The following BAHCC1 variants were observed in gnomAD, a reference collection of about 807,000 sequenced individuals.
The protein encoded by BAHCC1 is BAH domain and coiled-coil containing 1.
Under a neutral mutation model 88.2 loss-of-function variants are expected in BAHCC1, and 43 were observed. The ratio of observed to expected loss-of-function variants is 0.49; its 90% CI spans 0.38 to 0.63. The LOEUF (loss-of-function observed/expected upper bound fraction) is 0.63, where lower values mean the gene tolerates loss of function less well. Among genes scored for constraint, BAHCC1 ranks in the 20% least tolerant of loss-of-function variants. BAHCC1 has a pLI of 0.00. For missense variants in BAHCC1, 3,023 were observed against 1,654.8 expected (o/e 1.83, Z -14.34); for synonymous variants, 1,510 against 745.5 (o/e 2.03, Z -16.71).
chr17:81,451,853 AC>A lies in BAHCC1; in HGVS notation c.4167del (p.Lys1390ArgfsTer8). The A allele has an allele frequency of 1.3e-6, 1 of 743,320 alleles. No individual in the cohort carries two copies. Among genetic ancestry groups the A allele is most frequent in the South Asian group, 1.4e-5 (1 of 71,116 alleles). The allele number at this position is 743,320 out of a possible 1,614,324, so 46.0% of individuals were successfully genotyped here. On this transcript the variant is annotated frameshift_variant, in exon 12 of 28. Coordinates refer to ENST00000675386, the MANE Select transcript of BAHCC1 (RefSeq NM_001377448.1). LOFTEE classifies it high-confidence loss of function. ...MQILQRKDTWTPKTKPVCPLK... is the reference protein window; with the variant it reads ...MQILQRKDTWXPKTKPVCPLK... ...GATCCTGCAGCGCAAGGACACCTGG[AC>A]CCCCAAGACCAAGCCTGTGAGTGGA... is the stretch of plus-strand genomic sequence containing the variant.
In BAHCC1 at chr17:81,441,851, C is replaced by T; in HGVS notation, c.502C>T (p.Leu168=). Residue 168 remains leucine, a synonymous_variant, in exon 5 of 28, where the codon CTG becomes TTG. Transcript: ENST00000675386. ...CACAGATAACTTCTACCTGCGCAAC[C>T]TGCCGCCCCAGCCCACGCTGCTGCC... is the stretch of plus-strand genomic sequence containing the variant. ...TQKDNFYLRN[L]PPQPTLLPAN... is the part of the protein sequence containing the mutation. 1.5e-6 allele frequency: 1 copy of T among 664,560 alleles called. No individual in the cohort carries two copies. Among genetic ancestry groups the T allele is most frequent in the South Asian group, 1.7e-5 (1 of 57,402 alleles). 41.2% of individuals were successfully genotyped at this position (664,560 alleles called of 1,614,324 possible).
In BAHCC1 at chr17:81,445,563, G is replaced by A. The variant is rs374474112; in HGVS notation, c.3045G>A (p.Pro1015=). 7.7e-4 allele frequency: 556 copies of A among 722,672 alleles called. 6 individuals are homozygous for A. Among genetic ancestry groups the A allele is most frequent in the East Asian group, 7.5e-3 (284 of 37,702 alleles). 44.8% of individuals were successfully genotyped at this position (722,672 alleles called of 1,614,324 possible). ...SPTPPPRPSA[P]CTLNVCPASS... Reference sequence around the variant, plus strand: ...CCCCACCACCTCGGCCCAGCGCCCCGTGCACTTTAAATGTCTGCCCTGCCA... The same window carrying A: ...CCCCACCACCTCGGCCCAGCGCCCCATGCACTTTAAATGTCTGCCCTGCCA... Residue 1015 remains proline (P), a synonymous_variant, in exon 10 of 28, where the codon CCG becomes CCA. Transcript: ENST00000675386.
chr17:81,443,695 G>C, intron 5 of BAHCC1, 114 bp from the exon 6 acceptor site: 1 of 649,204 alleles, frequency 1.5e-6, no homozygotes, highest in East Asian at 2.7e-5. Flanking sequence ...AGGACCAGGG[G>C]ATCCTCCTCA....
rs782212786 is a variant in BAHCC1 at position 81,455,274 on chromosome 17, C to A, written c.4453C>A (p.Arg1485=). The A allele has an allele frequency of 1.4e-6, 1 of 715,806 alleles. No individual in the cohort carries two copies. The highest frequency in any genetic ancestry group is 1.5e-5 in the South Asian group (1 of 67,606). 44.3% of individuals were successfully genotyped at this position (715,806 alleles called of 1,614,324 possible). The change falls in exon 15 of 28, where the codon CGG becomes AGG. Residue 1485 remains arginine (R), a synonymous_variant. Coordinates refer to ENST00000675386, the MANE Select transcript of BAHCC1 (RefSeq NM_001377448.1). ...ACCACCCCATGCCCCCAGGGCGGTG[C>A]GGACAAGCCTGGGTCTGCTGTGTGC... The part of the protein sequence containing the change: ...RSDGKKVKAV[R]TSLGLLCAEL...
chr17:81,452,704 T>C lies in BAHCC1; in HGVS notation c.4317-19T>C. ...TGGGTTGTGCATGAGCCTCTGACCA[T>C]CCCCCCTGCGGCCCCCAGGAGAGAC... On this transcript the variant is annotated intron_variant, in intron 13 of 27. Coordinates refer to ENST00000675386, the MANE Select transcript of BAHCC1 (RefSeq NM_001377448.1). 9.5e-6 allele frequency: 7 copies of C among 737,164 alleles called. No individual in the cohort carries two copies. The highest frequency in any genetic ancestry group is 3.9e-5 in the Admixed American group (2 of 51,554). The allele number at this position is 737,164 out of a possible 1,614,324, so 45.7% of individuals were successfully genotyped here.
rs782096516 is a variant in BAHCC1, at chr17:81,443,875, G to A, written c.2282G>A (p.Cys761Tyr). 10 of 714,082 alleles carry A rather than the reference G, an allele frequency of 1.4e-5. No individual in the cohort carries two copies. The highest frequency in any genetic ancestry group is 2.6e-5 in the Non-Finnish European group (10 of 384,940). 44.2% of individuals were successfully genotyped at this position (714,082 alleles called of 1,614,324 possible). The change falls in exon 6 of 28, where the codon TGT becomes TAT. Residue 761 changes from cysteine to tyrosine, a missense_variant. Physicochemically the swap from Cys to Tyr is radical, Grantham distance 194. Transcript: ENST00000675386. ...GCTGAGGAGGAGAGGACGAGGCTAT[G>A]TGATGACCGCCTGGGGCTTGCCAGC... ...LEAEEERTRLCDDRLGLASRE... is the reference protein window; with the variant it reads ...LEAEEERTRLYDDRLGLASRE...
chr17:81,444,704 C>T lies in BAHCC1; in HGVS notation c.2549C>T (p.Pro850Leu). ...GHPALHQNLP[P>L]GFPASVAGPV... ...CCTGCCCTGCACCAGAACCTGCCCCCCGGCTTCCCCGCCTCCGTGGCTGGC... is the reference window on the plus strand; with the variant it reads ...CCTGCCCTGCACCAGAACCTGCCCCTCGGCTTCCCCGCCTCCGTGGCTGGC... Residue 850 changes from proline (P) to leucine (L), a missense_variant, in exon 8 of 28, where the codon CCC (proline) becomes CTC (leucine). By Grantham distance (98) the Pro-to-Leu change is moderately conservative. Coordinates refer to ENST00000675386, the MANE Select transcript of BAHCC1 (RefSeq NM_001377448.1). The T allele has an allele frequency of 2.6e-6, 2 of 776,906 alleles. No homozygotes were observed. The highest frequency in any genetic ancestry group is 4.8e-6 in the Non-Finnish European group (2 of 417,652). 48.1% of individuals were successfully genotyped at this position (776,906 alleles called of 1,614,324 possible).
intron 1 of BAHCC1, among the ~76,000 whole-genome samples, chr17:81,397,544 TC>T (rs1304738428): frequency 6.6e-6 from 1 of 151,918 alleles, no homozygotes; most frequent in African/African-American, 2.4e-5. Flanking sequence ...CTGACCTCCC[TC>T]CCTTTCCTTC....
chr17:81,432,449 C>T lies in BAHCC1; in HGVS notation c.358+5470C>T, dbSNP rs913118597. Among the ~76,000 whole-genome samples, 179 of 149,378 alleles carry T rather than the reference C, an allele frequency of 1.2e-3. 1 individual carries two copies. Among genetic ancestry groups the T allele is most frequent in the African/African-American group, 4.3e-3 (174 of 40,312 alleles). On this transcript the variant is annotated intron_variant, in intron 3 of 27. Transcript: ENST00000675386. The stretch of plus-strand genomic sequence containing the variant: ...GGGTGCCGGCGAAGGTTTTGGGGGT[C>T]GTGTGGTTGCTTCTAGCTCCACGCT...
At chr17:81,406,368 A>C (rs1555646881) in intron 2 of BAHCC1, among the ~76,000 whole-genome samples, 1 of 151,594 alleles carries the variant, frequency 6.6e-6, no homozygotes, top group Non-Finnish European at 1.5e-5. Context: ...TCCCCCTCCC[A>C]GCCCCCGCTC....
rs782201275 is a variant in BAHCC1 at position 81,459,604 on chromosome 17, G to A, written c.5905G>A (p.Gly1969Arg). 1.2e-5 allele frequency: 9 copies of A among 779,522 alleles called. No homozygotes were observed. The highest frequency in any genetic ancestry group is 1.7e-5 in the Admixed American group (1 of 59,018). The allele number at this position is 779,522 out of a possible 1,614,324, so 48.3% of individuals were successfully genotyped here. A position where few individuals can be genotyped will look rare whatever the true frequency, so the allele number is the denominator to read the frequency against. Reference protein sequence around the residue: ...RCLYPGNVVRGASGDEDEDLD... With the variant: ...RCLYPGNVVRRASGDEDEDLD... ...TCTGTACCCGGGCAACGTGGTCCGG[G>A]GTAAGTTGCACCCAAAGCGGGGGCT... The change falls in exon 23 of 28, where the codon GGG becomes AGG. Residue 1969 changes from glycine to arginine, a missense_variant and splice_region_variant. Coordinates refer to ENST00000675386, the MANE Select transcript of BAHCC1 (RefSeq NM_001377448.1).
intron 7 of BAHCC1, 37 bp from the exon 8 acceptor site, chr17:81,444,631 A>C (rs1555653807): frequency 2.6e-6 from 2 of 761,868 alleles, no homozygotes; most frequent in Non-Finnish European, 4.8e-6. Flanking sequence ...GGTCCCCGAG[A>C]GTGCGAGGCC....
rs572924317 is a variant in BAHCC1, at chr17:81,435,856, G to A, written c.359-2514G>A. On this transcript the variant is annotated intron_variant, in intron 3 of 27. Coordinates refer to ENST00000675386, the MANE Select transcript of BAHCC1 (RefSeq NM_001377448.1). This position sits in a 1 kb window ranked among gnomAD's most constrained non-coding sequence, Gnocchi z 4.4. ...CCTTCCAGGATGCCTGTGTGTCCCC[G>A]GCCCAGCCACAGCAGCCCTGCCTTC... Among the ~76,000 whole-genome samples the A allele has an allele frequency of 4.6e-5, 7 of 152,022 alleles. No homozygotes were observed. Among genetic ancestry groups the A allele is most frequent in the African/African-American group, 1.7e-4 (7 of 41,460 alleles).
chr17:81,458,510 T>C (rs1289320868), intron 18 of BAHCC1, 44 bp downstream of exon 18: 2 of 660,298 alleles, frequency 3.0e-6, no homozygotes, highest in Admixed American at 4.3e-5. Flanking sequence ...GGTGGGTGCC[T>C]GTGAGGAAAG....
At chr17:81,403,297 A>G (rs1018461459) in intron 2 of BAHCC1, among the ~76,000 whole-genome samples, 1 of 152,280 alleles carries the variant, frequency 6.6e-6, no homozygotes, top group African/African-American at 2.4e-5. Flanking sequence ...CTTGGTTTCA[A>G]TAATCTGCTC....
Position 81,443,545 on chromosome 17 carries a change from G to A in BAHCC1, c.2196G>A (p.Arg732=). Residue 732 remains arginine, a synonymous_variant, in exon 5 of 28, where the codon CGG becomes CGA. Coordinates refer to ENST00000675386, the MANE Select transcript of BAHCC1 (RefSeq NM_001377448.1). ...AYGTNTARQG[R]AAPAFKGGGG... ...GCACCAACACTGCGCGGCAGGGCCG[G>A]GCCGCCCCCGCCTTCAAAGGTACAG... 1 of 647,260 alleles carries A rather than the reference G, an allele frequency of 1.5e-6. No homozygotes were observed. The highest frequency in any genetic ancestry group is 2.8e-6 in the Non-Finnish European group (1 of 354,752). The allele number at this position is 647,260 out of a possible 1,614,324, so 40.1% of individuals were successfully genotyped here. A position where few individuals can be genotyped will look rare whatever the true frequency, so the allele number is the denominator to read the frequency against.
chr17:81,404,426 A>T (rs570178846), intron 2 of BAHCC1, among the ~76,000 whole-genome samples: 1 of 152,172 alleles, frequency 6.6e-6, no homozygotes, highest in Non-Finnish European at 1.5e-5. Flanking sequence ...CTTCTTGGCG[A>T]TTAGTGGTCT....
At chr17:81,413,798 G>A (rs1378331660) in intron 2 of BAHCC1, among the ~76,000 whole-genome samples, 2 of 152,254 alleles carry the variant, frequency 1.3e-5, no homozygotes, top group Admixed American at 6.5e-5. Context: ...TGTACCAGCC[G>A]GGTTAAGGTG....
In BAHCC1 at chr17:81,442,376, A is replaced by T; in HGVS notation, c.1027A>T (p.Met343Leu). ...CAGCGAGTGCCTGGAGCGGCGGCAG[A>T]TGCTACACCACACCGCATCCTACGC... The part of the protein sequence containing the change: ...AFSECLERRQ[M>L]LHHTASYAGP... The change falls in exon 5 of 28, where the codon ATG becomes TTG. Residue 343 changes from methionine to leucine, a missense_variant. By Grantham distance (15) the Met-to-Leu change is conservative. Coordinates refer to ENST00000675386, the MANE Select transcript of BAHCC1 (RefSeq NM_001377448.1). 1 of 702,430 alleles carries T rather than the reference A, an allele frequency of 1.4e-6. No individual in the cohort carries two copies. Among genetic ancestry groups the T allele is most frequent in the Non-Finnish European group, 2.6e-6 (1 of 381,068 alleles). 43.5% of individuals were successfully genotyped at this position (702,430 alleles called of 1,614,324 possible). A position where few individuals can be genotyped will look rare whatever the true frequency, so the allele number is the denominator to read the frequency against.
Sources: gnomAD v4.1 joint callset for allele counts (sites outside exome capture counted in the v4.1 genomes callset) on GRCh38, gnomAD v4.1.1 for gene constraint, Gnocchi (gnomAD v3.1) non-coding constraint, MANE v1.5 for transcripts, NCBI Gene and HGNC (gene_info 2026-07-23, HGNC 2026-07-21) for gene names.